Variants in RBFOX1 observed in about 807,000 individuals in gnomAD.
RBFOX1 encodes the protein RNA binding protein fox-1 homolog 1.
Under a neutral mutation model 57.7 loss-of-function variants are expected in RBFOX1, and 8 were observed. That is an observed-to-expected ratio of 0.14 (90% confidence interval 0.08 to 0.25). RBFOX1 has a LOEUF of 0.25. Among genes scored for constraint, RBFOX1 ranks in the 10% least tolerant of loss-of-function variants. The probability of loss-of-function intolerance (pLI) is 1.00; values close to 1 mark genes in which losing one functional copy is unlikely to be tolerated. For synonymous variants in RBFOX1, 326 were observed against 222.4 expected (o/e 1.47, Z -4.15); for missense variants, 611 against 548.5 (o/e 1.11, Z -1.14).
chr16:5,894,285 A>G (rs74487167), intron 4 of RBFOX1, among the ~76,000 whole-genome samples: 1 of 152,186 alleles, frequency 6.6e-6, no homozygotes, highest in Non-Finnish European at 1.5e-5. Flanking sequence ...ACATTATAAA[A>G]ACTTTTTTTT....
chr16:6,681,930 C>G (rs117459216), intron 3 of RBFOX1, among the ~76,000 whole-genome samples: 1,660 of 152,256 alleles, frequency 0.011, 8 homozygotes, highest in Non-Finnish European at 0.018. Flanking sequence ...AAGTATGTCC[C>G]TTAAAGTAAG....
chr16:7,172,648 C>T lies in RBFOX1; in HGVS notation c.27+120550C>T, dbSNP rs188874620. 1.9e-3 allele frequency among the ~76,000 whole-genome samples: 284 copies of T among 152,164 alleles called. 1 individual carries two copies. The highest frequency in any genetic ancestry group is 6.4e-3 in the African/African-American group (265 of 41,506). ...TACTTACTGGGAACACACATCATGCCAAGTTGTAGCAACAGAGGCAGCACA... is the reference window on the plus strand; with the variant it reads ...TACTTACTGGGAACACACATCATGCTAAGTTGTAGCAACAGAGGCAGCACA... On this transcript the variant is annotated intron_variant, in intron 4 of 15. Coordinates refer to ENST00000550418, the MANE Select transcript of RBFOX1 (RefSeq NM_018723.4).
intron 3 of RBFOX1, among the ~76,000 whole-genome samples, chr16:5,835,893 CA>C (rs2056441483): frequency 6.6e-6 from 1 of 152,178 alleles, no homozygotes. Flanking sequence ...AGGAGAGAGA[CA>C]CCTGCCTGGC....
chr16:7,541,039 G>A (rs918717464), intron 5 of RBFOX1, among the ~76,000 whole-genome samples: 2 of 152,164 alleles, frequency 1.3e-5, no homozygotes, highest in African/African-American at 4.8e-5. Flanking sequence ...CCAAGACCCA[G>A]AATGTTTCCT....
chr16:6,411,018 T>G (rs1251442160), intron 2 of RBFOX1, among the ~76,000 whole-genome samples: 2 of 152,222 alleles, frequency 1.3e-5, no homozygotes, highest in Non-Finnish European at 2.9e-5. Context: ...CGTTCTCATT[T>G]AGACAGAAGA....
At chr16:6,752,951 G>T (rs1000449972) in intron 3 of RBFOX1, among the ~76,000 whole-genome samples, 14 of 151,790 alleles carry the variant, frequency 9.2e-5, no homozygotes, top group Admixed American at 7.9e-4. Flanking sequence ...TGTAATAATT[G>T]TACTTGGTTG....
At position 7,150,634 on chromosome 16, in the gene RBFOX1, G is replaced by C. The variant is rs1205712328; in HGVS notation, c.27+98536G>C. Among the ~76,000 whole-genome samples the C allele has an allele frequency of 1.3e-5, 2 of 152,088 alleles. 1 individual carries two copies. Among genetic ancestry groups the C allele is most frequent in the South Asian group, 4.1e-4 (2 of 4,826 alleles). Reference sequence around the variant, plus strand: ...CTCTATTGACAACTTAATTCTTTACGACTGCTGTCTCCTCCAGGAAGAATT... The same window carrying C: ...CTCTATTGACAACTTAATTCTTTACCACTGCTGTCTCCTCCAGGAAGAATT... On this transcript the variant is annotated intron_variant, in intron 4 of 15. Transcript: ENST00000550418.
chr16:7,043,185 G>T (rs1208225469), intron 3 of RBFOX1, among the ~76,000 whole-genome samples: 2 of 152,102 alleles, frequency 1.3e-5, no homozygotes, highest in Non-Finnish European at 2.9e-5. Context: ...AGAAACAACT[G>T]ACTGATGTCT....
chr16:6,866,794 G>A (rs1330864335), intron 3 of RBFOX1, among the ~76,000 whole-genome samples: 2 of 151,716 alleles, frequency 1.3e-5, no homozygotes, highest in South Asian at 2.1e-4. Context: ...TGCCTGCCTT[G>A]GCCTCCCAAA....
chr16:5,903,330 A>C (rs1014134901), intron 4 of RBFOX1, among the ~76,000 whole-genome samples: 19 of 152,214 alleles, frequency 1.2e-4, no homozygotes, highest in Non-Finnish European at 2.4e-4. Flanking sequence ...TCCAGTATCA[A>C]CCTGTCCTCT....
chr16:6,522,565 C>A (rs963792514), intron 2 of RBFOX1, among the ~76,000 whole-genome samples: 1 of 152,164 alleles, frequency 6.6e-6, no homozygotes, highest in Admixed American at 6.5e-5. Context: ...ATTAATTTAG[C>A]TGACAGGAAA....
At chr16:5,362,582 G>A (rs1347476096) in intron 1 of RBFOX1, among the ~76,000 whole-genome samples, 1 of 152,130 alleles carries the variant, frequency 6.6e-6, no homozygotes, top group Non-Finnish European at 1.5e-5. Context: ...GGCTGGTCTT[G>A]AACTCCCGAC....
At chr16:5,282,170 C>G (rs1002349074) in intron 1 of RBFOX1, among the ~76,000 whole-genome samples, 1 of 152,206 alleles carries the variant, frequency 6.6e-6, no homozygotes, top group Non-Finnish European at 1.5e-5. Context: ...CTCAAGCTCT[C>G]TCTTTGCCTG....
chr16:7,291,572 G>A (rs554338017), intron 4 of RBFOX1, among the ~76,000 whole-genome samples: 2 of 152,108 alleles, frequency 1.3e-5, no homozygotes, highest in Non-Finnish European at 2.9e-5. Flanking sequence ...TTAAGTAAAT[G>A]GAAGGGAGGT....
chr16:5,379,196 C>A (rs1262072856), intron 1 of RBFOX1, among the ~76,000 whole-genome samples: 4 of 151,622 alleles, frequency 2.6e-5, no homozygotes, highest in African/African-American at 9.8e-5. Context: ...CTGACGGGGA[C>A]CACAGTGAAT....
intron 4 of RBFOX1, among the ~76,000 whole-genome samples, chr16:7,218,647 T>TGC (rs58736436): frequency 0.067 from 10,035 of 148,868 alleles, 1,030 homozygotes; most frequent in African/African-American, 0.21. Context: ...TGTGTGTGTG[T>TGC]GTGTGTGTGT....
intron 2 of RBFOX1, among the ~76,000 whole-genome samples, chr16:6,646,570 A>G (rs1301399278): frequency 1.3e-5 from 2 of 152,072 alleles, no homozygotes; most frequent in African/African-American, 2.4e-5. Flanking sequence ...GTGTGGGTAA[A>G]TCATAATCGG....
At chr16:6,094,711 A>G (rs942757081) in intron 1 of RBFOX1, among the ~76,000 whole-genome samples, 1 of 152,214 alleles carries the variant, frequency 6.6e-6, no homozygotes, top group African/African-American at 2.4e-5. Flanking sequence ...TCATCTGCAC[A>G]TTGGAAATAA....
chr16:5,333,880 A>C (rs1046275734), intron 1 of RBFOX1, among the ~76,000 whole-genome samples: 18 of 152,224 alleles, frequency 1.2e-4, no homozygotes, highest in Non-Finnish European at 2.6e-4. Context: ...AAAATACAGC[A>C]TTATAATCTT....
Sources: allele counts gnomAD v4.1 joint callset (sites outside exome capture counted in the v4.1 genomes callset), GRCh38; gene constraint gnomAD v4.1.1; transcripts MANE v1.5; gene names NCBI Gene and HGNC (gene_info 2026-07-23, HGNC 2026-07-21).